Variants in RCSD1 observed in about 807,000 individuals in gnomAD.
The protein encoded by RCSD1 is capZ-interacting protein.
In RCSD1, 26 loss-of-function variants were observed where a neutral mutation model predicts 42.5. That is an observed-to-expected ratio of 0.61 (90% confidence interval 0.45 to 0.85). The LOEUF is 0.85. RCSD1 is among the 40% of genes least tolerant of loss of function. The probability of loss-of-function intolerance (pLI) is 0.00; values close to 1 mark genes in which losing one functional copy is unlikely to be tolerated. For synonymous variants in RCSD1, 220 were observed against 212.2 expected, an observed-to-expected ratio of 1.04 and a Z score of -0.32; for missense variants, 571 against 528.3, an observed-to-expected ratio of 1.08 and a Z score of -0.79.
chr1:167,697,564 G>A lies in RCSD1; in HGVS notation c.940G>A (p.Ala314Thr). ...PAGEEAEMEKATEVKGERVQN... is the reference protein window; with the variant it reads ...PAGEEAEMEKTTEVKGERVQN... ...TGGAGAGGAAGCAGAGATGGAAAAGGCTACAGAGGTGAAGGGGGAGAGGGT... is the reference window on the plus strand; with the variant it reads ...TGGAGAGGAAGCAGAGATGGAAAAGACTACAGAGGTGAAGGGGGAGAGGGT... Residue 314 changes from alanine to threonine, a missense_variant, in exon 6 of 7, where the codon GCT becomes ACT. By Grantham distance (58) the Ala-to-Thr change is moderately conservative. Coordinates refer to ENST00000367854, the MANE Select transcript of RCSD1 (RefSeq NM_052862.4). 6.2e-7 allele frequency: 1 copy of A among 1,607,378 alleles called. No individual in the cohort carries two copies. The highest frequency in any genetic ancestry group is 8.5e-7 in the Non-Finnish European group (1 of 1,177,020).
chr1:167,653,630 C>T (rs561280963), intron 1 of RCSD1, among the ~76,000 whole-genome samples: 1 of 152,322 alleles, frequency 6.6e-6, no homozygotes, highest in East Asian at 1.9e-4. Context: ...AAGGTAAAGG[C>T]TAGGGTACCT....
chr1:167,696,961 C>T, intron 5 of RCSD1, 138 bp from the exon 6 acceptor site: 5 of 724,294 alleles, frequency 6.9e-6, no homozygotes, highest in Middle Eastern at 2.5e-4. Flanking sequence ...AACAATGATT[C>T]GTTCTCCTGG....
rs149260984 is a variant in RCSD1 at position 167,635,381 on chromosome 1, C to G, written c.6+4952C>G. 1.6e-4 allele frequency among the ~76,000 whole-genome samples: 24 copies of G among 152,306 alleles called. 1 individual carries two copies. In the East Asian group the frequency reaches 4.1e-3, roughly 26 times the overall value. ...CTGGCCCCCACTCAGCAGACATCTT[C>G]CATTTGTTGGACTGCGACGACAGGG... On this transcript the variant is annotated intron_variant, in intron 1 of 6. Coordinates refer to ENST00000367854, the MANE Select transcript of RCSD1 (RefSeq NM_052862.4).
chr1:167,646,002 G>T (rs1240419563), intron 1 of RCSD1, among the ~76,000 whole-genome samples: 2 of 152,178 alleles, frequency 1.3e-5, no homozygotes, highest in Non-Finnish European at 2.9e-5. Context: ...CCGGTGAGAG[G>T]TGGCCTTGAG....
At chr1:167,684,465 A>G (rs547247329) in intron 2 of RCSD1, among the ~76,000 whole-genome samples, 1 of 152,344 alleles carries the variant, frequency 6.6e-6, no homozygotes, top group African/African-American at 2.4e-5. Flanking sequence ...ACCAGGGATC[A>G]GGAAGGAAGA....
intron 1 of RCSD1, among the ~76,000 whole-genome samples, chr1:167,656,659 G>A (rs35763316): frequency 0.041 from 6,308 of 152,248 alleles, 150 homozygotes; most frequent in Non-Finnish European, 0.057. Flanking sequence ...ATTTGGATGG[G>A]GACAGGACAG....
chr1:167,678,384 C>A (rs1300849815), intron 1 of RCSD1, among the ~76,000 whole-genome samples: 1 of 151,986 alleles, frequency 6.6e-6, no homozygotes, highest in Admixed American at 6.6e-5. Flanking sequence ...CCAACTAGCC[C>A]CACCCACCCC....
chr1:167,703,927 G>A (rs533354488), intron 6 of RCSD1, among the ~76,000 whole-genome samples: 4 of 152,120 alleles, frequency 2.6e-5, no homozygotes, highest in African/African-American at 7.2e-5. Flanking sequence ...CCCTCCACAA[G>A]CCTTTTCTGA....
chr1:167,683,845 C>A, intron 1 of RCSD1, 55 bp from the exon 2 acceptor site: 1 of 1,522,072 alleles, frequency 6.6e-7, no homozygotes, highest in Non-Finnish European at 9.1e-7. Flanking sequence ...AGGTGCCTTG[C>A]ATGGCATCTG....
chr1:167,697,838 C>T lies in RCSD1; in HGVS notation c.1214C>T (p.Pro405Leu), dbSNP rs758315251. ...CAGAGCGAGCCAGCAGTCCCCAAGC[C>T]GGAGGTAGGTGGCCTGGCTCGTTCA... ...EVQSEPAVPK[P>L]EDDTPVQDTK... Residue 405 changes from proline to leucine, a missense_variant, in exon 6 of 7, where the codon CCG becomes CTG. Pro to Leu is a moderately conservative substitution (Grantham distance 98). Coordinates refer to ENST00000367854, the MANE Select transcript of RCSD1 (RefSeq NM_052862.4). The T allele has an allele frequency of 2.3e-5, 34 of 1,461,788 alleles. No individual in the cohort carries two copies. The highest frequency in any genetic ancestry group is 2.9e-5 in the South Asian group (2 of 67,972). 90.6% of individuals were successfully genotyped at this position (1,461,788 alleles called of 1,614,324 possible).
chr1:167,684,082 A>C, intron 2 of RCSD1, 81 bp downstream of exon 2: 4 of 1,159,074 alleles, frequency 3.5e-6, no homozygotes, highest in Non-Finnish European at 3.8e-6. Context: ...GCGGAGAGGG[A>C]GGGAGGAGGC....
At chr1:167,668,966 T>C (rs1229364) in intron 1 of RCSD1, among the ~76,000 whole-genome samples, 115,160 of 152,214 alleles carry the variant, frequency 0.76, 44,372 homozygotes, top group African/African-American at 0.9. Context: ...AACAGATTTG[T>C]GAATTCAGTA....
intron 1 of RCSD1, chr1:167,640,750 A>G (rs545365511): frequency 6.6e-6 from 1 of 152,516 alleles, no homozygotes; most frequent in South Asian, 2.1e-4. Flanking sequence ...AGGTCTCACT[A>G]TGTTGCCCAG....
chr1:167,683,050 T>C (rs1659122902), intron 1 of RCSD1, among the ~76,000 whole-genome samples: 1 of 152,124 alleles, frequency 6.6e-6, no homozygotes, highest in Admixed American at 6.5e-5. Context: ...TGACAAATGG[T>C]ACATGAGAAT....
At chr1:167,637,136 GGTGA>G (rs1657880528) in intron 1 of RCSD1, among the ~76,000 whole-genome samples, 2 of 152,214 alleles carry the variant, frequency 1.3e-5, no homozygotes, top group South Asian at 2.1e-4. Context: ...AATCTTGAGG[GGTGA>G]GTAAGAGTTA....
chr1:167,670,009 A>G (rs1312824151), intron 1 of RCSD1, among the ~76,000 whole-genome samples: 1 of 151,918 alleles, frequency 6.6e-6, no homozygotes, highest in African/African-American at 2.4e-5. Context: ...GCACACTCAC[A>G]CTGTCACTTG....
intron 1 of RCSD1, among the ~76,000 whole-genome samples, chr1:167,659,792 C>T (rs1264186607): frequency 6.6e-6 from 1 of 152,158 alleles, no homozygotes; most frequent in African/African-American, 2.4e-5. Flanking sequence ...CAGCTCTCTT[C>T]TATATTTTGC....
At chr1:167,698,551 C>T (rs1659555627) in intron 6 of RCSD1, among the ~76,000 whole-genome samples, 1 of 152,142 alleles carries the variant, frequency 6.6e-6, no homozygotes, top group Admixed American at 6.5e-5. Flanking sequence ...TTTACTGGCC[C>T]TTTCCTCTAC....
At chr1:167,704,077 T>C (rs1370067894) in intron 6 of RCSD1, among the ~76,000 whole-genome samples, 1 of 152,216 alleles carries the variant, frequency 6.6e-6, no homozygotes, top group Non-Finnish European at 1.5e-5. Context: ...GCTGGAGTCC[T>C]GGTACAGCTC....
Sources: gnomAD v4.1 joint callset for allele counts (sites outside exome capture counted in the v4.1 genomes callset) on GRCh38, gnomAD v4.1.1 for gene constraint, MANE v1.5 for transcripts, NCBI Gene and HGNC (gene_info 2026-07-23, HGNC 2026-07-21) for gene names.